The following PCSK5 variants were observed in gnomAD, a reference collection of about 807,000 sequenced individuals.
The protein encoded by PCSK5 is prohormone convertase 5.
Under a neutral mutation model 233.2 loss-of-function variants are expected in PCSK5, and 129 were observed. The observed-to-expected ratio is 0.55, with a 90% confidence interval of 0.48 to 0.64. PCSK5 has a LOEUF of 0.64. Ranked by LOEUF, PCSK5 falls within the 30% of genes least tolerant of loss-of-function variation. The probability of loss-of-function intolerance (pLI) is 0.00; values close to 1 mark genes in which losing one functional copy is unlikely to be tolerated. For synonymous variants in PCSK5, 825 were observed against 879.2 expected, an observed-to-expected ratio of 0.94 and a Z score of 1.09; for missense variants, 2,076 against 2,430.1, an observed-to-expected ratio of 0.85 and a Z score of 3.06.
At chr9:76,313,955 G>C (rs1828943278) in intron 30 of PCSK5, among the ~76,000 whole-genome samples, 1 of 152,156 alleles carries the variant, frequency 6.6e-6, no homozygotes, top group Admixed American at 6.5e-5. Flanking sequence ...TTACAATAAA[G>C]CAAAGGTGAA....
chr9:75,975,871 A>G (rs548535250), intron 2 of PCSK5, among the ~76,000 whole-genome samples: 7 of 152,248 alleles, frequency 4.6e-5, no homozygotes, highest in Non-Finnish European at 8.8e-5. Flanking sequence ...ATGTAGAATG[A>G]AGTCATGCCA....
At chr9:76,041,497 G>T (rs1032067127) in intron 5 of PCSK5, among the ~76,000 whole-genome samples, 4 of 152,148 alleles carry the variant, frequency 2.6e-5, no homozygotes, top group Non-Finnish European at 4.4e-5. Flanking sequence ...AATGTGTTTT[G>T]CCTCTGTCTT....
intron 3 of PCSK5, among the ~76,000 whole-genome samples, chr9:75,994,776 C>T (rs925132696): frequency 6.6e-6 from 1 of 152,110 alleles, no homozygotes; most frequent in African/African-American, 2.4e-5. Context: ...ATACAGCAGC[C>T]AGAGTGATTA....
chr9:76,272,353 GTCT>G (rs1296868348), intron 24 of PCSK5, among the ~76,000 whole-genome samples: 5 of 152,026 alleles, frequency 3.3e-5, no homozygotes, highest in African/African-American at 9.7e-5. Context: ...TCTGATTCCA[GTCT>G]TCTTCTATTC....
intron 1 of PCSK5, among the ~76,000 whole-genome samples, chr9:75,899,197 G>A (rs1272903397): frequency 6.6e-6 from 1 of 152,162 alleles, no homozygotes; most frequent in African/African-American, 2.4e-5. Context: ...ATGGTGGACT[G>A]TTGTGTAGAA....
intron 30 of PCSK5, among the ~76,000 whole-genome samples, chr9:76,314,066 C>G (rs2131444361): frequency 6.6e-6 from 1 of 152,304 alleles, no homozygotes; most frequent in Non-Finnish European, 1.5e-5. Context: ...CCTTTTTCAA[C>G]TCTCTCTTGG....
Position 75,891,157 on chromosome 9 carries a change from G to T in PCSK5, c.-25G>T. The T allele has an allele frequency of 6.9e-7, 1 of 1,447,334 alleles. No individual in the cohort carries two copies. The highest frequency in any genetic ancestry group is 2.8e-5 in the East Asian group (1 of 36,316). The allele number at this position is 1,447,334 out of a possible 1,614,324, so 89.7% of individuals were successfully genotyped here. A position where few individuals can be genotyped will look rare whatever the true frequency, so the allele number is the denominator to read the frequency against. ...TAGTGCGCGGAACCAGCCAGCGAGC[G>T]AGGGAGCAGCGAGGCGCCGGGACCA... is the stretch of plus-strand genomic sequence containing the variant. On this transcript the variant is annotated 5_prime_UTR_variant, in exon 1 of 38. Transcript: ENST00000674117.
chr9:75,947,078 C>T (rs1011047835), intron 2 of PCSK5, among the ~76,000 whole-genome samples: 3 of 152,092 alleles, frequency 2.0e-5, no homozygotes, highest in Admixed American at 6.6e-5. Context: ...TCCTGCAGTA[C>T]GTGTTTCTTG....
intron 2 of PCSK5, among the ~76,000 whole-genome samples, chr9:75,933,388 T>G (rs1823899247): frequency 6.6e-6 from 1 of 152,194 alleles, no homozygotes; most frequent in Admixed American, 6.6e-5. Context: ...AGGGTGTTCT[T>G]GCTTTTTTCC....
At chr9:76,105,848 C>G (rs1323103801) in intron 8 of PCSK5, among the ~76,000 whole-genome samples, 1 of 152,086 alleles carries the variant, frequency 6.6e-6, no homozygotes, top group Non-Finnish European at 1.5e-5. Flanking sequence ...TCAAAAGGAA[C>G]AAAGAAAGGA....
intron 1 of PCSK5, among the ~76,000 whole-genome samples, chr9:75,919,140 C>G (rs1823133993): frequency 6.6e-6 from 1 of 152,218 alleles, no homozygotes; most frequent in Non-Finnish European, 1.5e-5. Context: ...CCTCTCACCT[C>G]TCACCCTTGG....
At chr9:75,942,123 C>T (rs1824335301) in intron 2 of PCSK5, among the ~76,000 whole-genome samples, 1 of 152,208 alleles carries the variant, frequency 6.6e-6, no homozygotes, top group South Asian at 2.1e-4. Context: ...TGCGCCAAAG[C>T]GTAGCGCACT....
intron 12 of PCSK5, among the ~76,000 whole-genome samples, chr9:76,164,333 G>A (rs1159556293): frequency 2.0e-5 from 3 of 152,142 alleles, no homozygotes; most frequent in Non-Finnish European, 2.9e-5. Context: ...TGACTTCACT[G>A]ATATCTGTGT....
chr9:76,319,980 T>C (rs937806961), intron 30 of PCSK5, among the ~76,000 whole-genome samples: 5 of 152,160 alleles, frequency 3.3e-5, no homozygotes, highest in African/African-American at 1.2e-4. Flanking sequence ...CGCGACTTGC[T>C]TCACCTTGTC....
At chr9:76,310,976 T>A in intron 30 of PCSK5, 125 bp downstream of exon 30, 1 of 648,572 alleles carries the variant, frequency 1.5e-6, no homozygotes, top group Non-Finnish European at 2.5e-6. Context: ...AAATGTCCTC[T>A]GTTGACTGAC....
At chr9:75,942,368 A>G (rs1251665477) in intron 2 of PCSK5, among the ~76,000 whole-genome samples, 5 of 152,216 alleles carry the variant, frequency 3.3e-5, no homozygotes, top group Non-Finnish European at 5.9e-5. Context: ...GTTGGGAGAA[A>G]GGGAGAAAGG....
chr9:76,095,555 A>G (rs1831475191), intron 7 of PCSK5, among the ~76,000 whole-genome samples: 1 of 152,154 alleles, frequency 6.6e-6, no homozygotes, highest in Admixed American at 6.6e-5. Context: ...TCTGTACCTC[A>G]AGTTTCTCCA....
At chr9:75,901,427 C>T (rs1826029120) in intron 1 of PCSK5, among the ~76,000 whole-genome samples, 1 of 152,004 alleles carries the variant, frequency 6.6e-6, no homozygotes. Context: ...ACAGTGAGAA[C>T]ACATGGACAC....
intron 20 of PCSK5, among the ~76,000 whole-genome samples, chr9:76,192,406 G>A (rs543423603): frequency 2.6e-5 from 4 of 152,098 alleles, no homozygotes; most frequent in African/African-American, 9.7e-5. Flanking sequence ...TCTTTCAACT[G>A]TCATATTTCT....
Sources: gnomAD v4.1 joint callset for allele counts (sites outside exome capture counted in the v4.1 genomes callset) on GRCh38, gnomAD v4.1.1 for gene constraint, MANE v1.5 for transcripts, NCBI Gene and HGNC (gene_info 2026-07-23, HGNC 2026-07-21) for gene names.